FHIP1A: variants seen among roughly 807,000 people sequenced by gnomAD.
FHIP1A encodes FHF complex subunit HOOK-interacting protein 1A.
In FHIP1A, 61 loss-of-function variants were observed where a neutral mutation model predicts 88.6. That is an observed-to-expected ratio of 0.69 (90% CI 0.56 to 0.85). The LOEUF (loss-of-function observed/expected upper bound fraction) is 0.85, where lower values mean the gene tolerates loss of function less well. Ranked by LOEUF, FHIP1A falls within the 40% of genes least tolerant of loss-of-function variation. FHIP1A has a pLI of 0.00. For missense variants in FHIP1A, 1,154 were observed against 1,273.5 expected (o/e 0.91, Z 1.43); for synonymous variants, 478 against 496.0 (o/e 0.96, Z 0.48).
chr4:151,577,910 A>G lies in FHIP1A; in HGVS notation c.566A>G (p.Asp189Gly), dbSNP rs541204183. 1.9e-6 allele frequency: 3 copies of G among 1,551,674 alleles called. No homozygotes were observed. The highest frequency in any genetic ancestry group is 2.6e-6 in the Non-Finnish European group (3 of 1,146,980). The change falls in exon 5 of 14, where the codon GAC becomes GGC. Residue 189 changes from aspartate (D) to glycine (G), a missense_variant. Transcript: ENST00000435205. ...GAACTCTTCTTCCACACTAGTGAAG[A>G]CCAAGGCGCTGCCAACTTCCTCATC... ...ILELFFHTSE[D>G]QGAANFLIFS...
intron 3 of FHIP1A, among the ~76,000 whole-genome samples, chr4:151,524,240 T>C (rs1731550738): frequency 6.6e-6 from 1 of 151,690 alleles, no homozygotes; most frequent in Non-Finnish European, 1.5e-5. Context: ...AGGCGGAGGT[T>C]GCAGTGAGCC....
chr4:151,613,827 A>G (rs1320383477), intron 7 of FHIP1A, among the ~76,000 whole-genome samples: 1 of 152,188 alleles, frequency 6.6e-6, no homozygotes, highest in Non-Finnish European at 1.5e-5. Context: ...TGATTCTAAC[A>G]TGGAACTTGG....
rs1737501149 is a variant in FHIP1A, at chr4:151,662,542, C to T, written c.2911C>T (p.Leu971Phe). Reference sequence around the variant, plus strand: ...TTCCAGGACAGGAAGTGGCAAGAACCTTTTGGATGGACCTCCAAGAGTGCT... The same window carrying T: ...TTCCAGGACAGGAAGTGGCAAGAACTTTTTGGATGGACCTCCAAGAGTGCT... ...EASRTGSGKNLLDGPPRVLQP... is the reference protein window; with the variant it reads ...EASRTGSGKNFLDGPPRVLQP... Residue 971 changes from leucine to phenylalanine, a missense_variant, in exon 14 of 14, where the codon CTT (leucine) becomes TTT (phenylalanine). Transcript: ENST00000435205. 2.6e-6 allele frequency: 4 copies of T among 1,549,238 alleles called. No homozygotes were observed. The highest frequency in any genetic ancestry group is 3.5e-6 in the Non-Finnish European group (4 of 1,145,702).
intron 7 of FHIP1A, among the ~76,000 whole-genome samples, chr4:151,627,661 A>T (rs763152707): frequency 9.9e-5 from 15 of 151,772 alleles, no homozygotes; most frequent in South Asian, 8.5e-4. Flanking sequence ...AGTGAAGTGG[A>T]TGTGAGCTAA....
intron 1 of FHIP1A, among the ~76,000 whole-genome samples, chr4:151,425,463 T>C (rs1211756535): frequency 6.6e-6 from 1 of 152,162 alleles, no homozygotes; most frequent in African/African-American, 2.4e-5. Flanking sequence ...ATGAATAATA[T>C]GAGAAATTTA....
chr4:151,513,588 A>G (rs1187424847), intron 3 of FHIP1A, among the ~76,000 whole-genome samples: 2 of 152,092 alleles, frequency 1.3e-5, no homozygotes, highest in Non-Finnish European at 2.9e-5. Flanking sequence ...CATAGGCTCA[A>G]AATAAAAGGA....
intron 3 of FHIP1A, among the ~76,000 whole-genome samples, chr4:151,516,024 G>A (rs1181946489): frequency 6.6e-6 from 1 of 152,128 alleles, no homozygotes; most frequent in East Asian, 1.9e-4. Flanking sequence ...CAAAGCTGGA[G>A]GCATCACACT....
chr4:151,462,771 G>A (rs932161476), intron 2 of FHIP1A, among the ~76,000 whole-genome samples: 1 of 152,136 alleles, frequency 6.6e-6, no homozygotes. Context: ...CAGAGTGAGA[G>A]CATTTTGGTC....
intron 3 of FHIP1A, among the ~76,000 whole-genome samples, chr4:151,555,958 T>A (rs1732930886): frequency 6.6e-6 from 1 of 152,130 alleles, no homozygotes. Context: ...TTTATTTTTT[T>A]CTTACTCTAA....
rs576051777 is a variant in FHIP1A, at chr4:151,554,493, T to G, written c.-122-11645T>G. Among the ~76,000 whole-genome samples the G allele has an allele frequency of 2.0e-5, 3 of 152,170 alleles. No homozygotes were observed. In the South Asian group the frequency reaches 6.2e-4, roughly 32 times the overall value. On this transcript the variant is annotated intron_variant, in intron 3 of 13. Transcript: ENST00000435205. ...CAGAAACTACATCACCATAGGGAGA[T>G]GTAGTTAAACTAAAAGGTTTAGAGG...
chr4:151,566,175 T>C lies in FHIP1A; in HGVS notation c.-85T>C. On this transcript the variant is annotated 5_prime_UTR_variant, in exon 4 of 14. Coordinates refer to ENST00000435205, the MANE Select transcript of FHIP1A (RefSeq NM_001109977.3). ...GACAATGAAATGTGAAGAAGTTACA[T>C]TTCTCAAACTTGAAAGTTAGTGACG... is the stretch of plus-strand genomic sequence containing the variant. 1.3e-6 allele frequency: 1 copy of C among 744,208 alleles called. No individual in the cohort carries two copies. Among genetic ancestry groups the C allele is most frequent in the Non-Finnish European group, 2.2e-6 (1 of 463,130 alleles). 46.1% of individuals were successfully genotyped at this position (744,208 alleles called of 1,614,324 possible).
chr4:151,459,860 C>A (rs73861827), intron 2 of FHIP1A, among the ~76,000 whole-genome samples: 1 of 151,988 alleles, frequency 6.6e-6, no homozygotes, highest in Non-Finnish European at 1.5e-5. Flanking sequence ...TTAAGGTTGA[C>A]GGAGAGAGAG....
At chr4:151,560,680 T>C (rs1733139804) in intron 3 of FHIP1A, among the ~76,000 whole-genome samples, 1 of 152,102 alleles carries the variant, frequency 6.6e-6, no homozygotes, top group Non-Finnish European at 1.5e-5. Context: ...CAGTGATCAG[T>C]TGGGTTGGTG....
chr4:151,639,518 A>G (rs1736489755), intron 9 of FHIP1A, among the ~76,000 whole-genome samples: 2 of 152,216 alleles, frequency 1.3e-5, no homozygotes, highest in African/African-American at 4.8e-5. Context: ...TTATTAGCTC[A>G]TGATTTAGCC....
chr4:151,431,820 C>T (rs7698816), intron 1 of FHIP1A, among the ~76,000 whole-genome samples: 79,150 of 152,094 alleles, frequency 0.52, 20,900 homozygotes, highest in African/African-American at 0.55. Flanking sequence ...ATAAAGGATT[C>T]AGGATGGATC....
chr4:151,453,868 T>TCAAAAA (rs530753127), intron 1 of FHIP1A, among the ~76,000 whole-genome samples: 61 of 151,866 alleles, frequency 4.0e-4, no homozygotes, highest in African/African-American at 1.4e-3. Context: ...AAACTCCATC[T>TCAAAAA]CAAAAACAAA....
intron 8 of FHIP1A, among the ~76,000 whole-genome samples, chr4:151,637,195 G>T (rs756120504): frequency 5.9e-5 from 9 of 152,032 alleles, no homozygotes; most frequent in Non-Finnish European, 1.0e-4. Context: ...AAATGTAAGA[G>T]CTAAAACTAT....
intron 3 of FHIP1A, among the ~76,000 whole-genome samples, chr4:151,514,780 A>G (rs1386156073): frequency 1.3e-5 from 2 of 152,150 alleles, no homozygotes; most frequent in African/African-American, 4.8e-5. Flanking sequence ...TGAATAGACC[A>G]ATAACAGGCT....
chr4:151,513,353 A>G (rs539310227), intron 3 of FHIP1A, among the ~76,000 whole-genome samples: 1 of 152,364 alleles, frequency 6.6e-6, no homozygotes, highest in South Asian at 2.1e-4. Flanking sequence ...AAATCATGCC[A>G]AATTGTAAAG....
Sources: allele counts gnomAD v4.1 joint callset (sites outside exome capture counted in the v4.1 genomes callset), GRCh38; gene constraint gnomAD v4.1.1; transcripts MANE v1.5; gene names NCBI Gene and HGNC (gene_info 2026-07-23, HGNC 2026-07-21).